KREMEN1: variants seen among roughly 807,000 people sequenced by gnomAD.
The protein encoded by KREMEN1 is kremen protein 1.
Under a neutral mutation model 46.5 loss-of-function variants are expected in KREMEN1, and 30 were observed. That is an observed-to-expected ratio of 0.65 (90% confidence interval 0.48 to 0.88). The LOEUF is 0.88. Ranked by LOEUF, KREMEN1 falls within the 40% of genes least tolerant of loss-of-function variation. The pLI is 0.00. For missense variants in KREMEN1, 533 were observed against 596.9 expected (o/e 0.89, Z 1.11); for synonymous variants, 214 against 230.6 (o/e 0.93, Z 0.65).
chr22:29,087,610 G>C, intron 1 of KREMEN1, among the ~76,000 whole-genome samples: 1 of 151,562 alleles, frequency 6.6e-6, no homozygotes, highest in African/African-American at 2.4e-5. Context: ...TTGTTGCCCA[G>C]GCCAGAGTGC....
intron 4 of KREMEN1, 104 bp downstream of exon 4, chr22:29,121,585 A>G (rs939838549): frequency 1.1e-5 from 14 of 1,229,556 alleles, no homozygotes; most frequent in Non-Finnish European, 1.5e-5. Flanking sequence ...GCCAGACACA[A>G]AAGGCCACAT....
At chr22:29,114,472 G>A (rs1175373813) in intron 3 of KREMEN1, among the ~76,000 whole-genome samples, 1 of 121,478 alleles carries the variant, frequency 8.2e-6, no homozygotes, top group Non-Finnish European at 1.6e-5. Context: ...TGCAACAAGA[G>A]TGAAACTCCG....
At chr22:29,150,040 C>T (rs151072737), downstream of KREMEN1, among the ~76,000 whole-genome samples, 1,927 of 152,220 alleles carry the variant, frequency 0.013, 46 homozygotes, top group African/African-American at 0.044. Flanking sequence ...TCCTCTGTGG[C>T]GAGGTCGGGT....
In KREMEN1 at chr22:29,146,126, C is replaced by T; in HGVS notation, c.*4014C>T. The T allele has an allele frequency of 1.0e-6, 1 of 985,952 alleles. No individual in the cohort carries two copies. The highest frequency in any genetic ancestry group is 1.2e-6 in the Non-Finnish European group (1 of 830,002). 61.1% of individuals were successfully genotyped at this position (985,952 alleles called of 1,614,324 possible). ...GGCAGCTCCACACCCCACCACCTGG[C>T]ACCGTTAGGTTTCAGATCTCCCGTG... is the stretch of plus-strand genomic sequence containing the variant. On this transcript the variant is annotated 3_prime_UTR_variant, in exon 9 of 9. Coordinates refer to ENST00000400335, the MANE Select transcript of KREMEN1 (RefSeq NM_001039570.3).
intron 1 of KREMEN1, among the ~76,000 whole-genome samples, chr22:29,088,513 A>G (rs2037763035): frequency 6.6e-6 from 1 of 152,056 alleles, no homozygotes; most frequent in Non-Finnish European, 1.5e-5. Context: ...TATTTTTGGT[A>G]GAGATGGGGT....
chr22:29,119,791 G>C lies in KREMEN1; in HGVS notation c.353-1566G>C, dbSNP rs117871497. Reference sequence around the variant, plus strand: ...GTGAAACACTAATATGCTCAGTGTGGTGGGCTGAAGAATGGCCCTCCAAAG... The same window carrying C: ...GTGAAACACTAATATGCTCAGTGTGCTGGGCTGAAGAATGGCCCTCCAAAG... On this transcript the variant is annotated intron_variant, in intron 3 of 8. Transcript: ENST00000400335. 5.8e-3 allele frequency among the ~76,000 whole-genome samples: 881 copies of C among 152,340 alleles called. 5 individuals are homozygous for C. Among genetic ancestry groups the C allele is most frequent in the Middle Eastern group, 0.024 (7 of 294 alleles).
At chr22:29,151,546 G>A (rs1054865875), downstream of KREMEN1, among the ~76,000 whole-genome samples, 2 of 152,072 alleles carry the variant, frequency 1.3e-5, no homozygotes, top group Non-Finnish European at 1.5e-5. Context: ...GGGGGATGGG[G>A]GCCACCAAGC....
At chr22:29,124,365 TA>T in intron 4 of KREMEN1, among the ~76,000 whole-genome samples, 1 of 152,152 alleles carries the variant, frequency 6.6e-6, no homozygotes, top group East Asian at 1.9e-4. Flanking sequence ...AAAACTACAG[TA>T]AAGGAAAATG....
rs1569308281 is a variant in KREMEN1, at chr22:29,073,419, C to T, written c.97+192C>T. ...CCCGGGCTACCCCCAGGCCCGTCAT[C>T]GACGCCCCCGGGCCCGGTACTGTCC... On this transcript the variant is annotated intron_variant, in intron 1 of 8. Transcript: ENST00000400335. This position sits in a 1 kb window ranked among gnomAD's most constrained non-coding sequence, Gnocchi z 4.4. Among the ~76,000 whole-genome samples, 1 of 151,834 alleles carries T rather than the reference C, an allele frequency of 6.6e-6. No homozygotes were observed. The highest frequency in any genetic ancestry group is 2.0e-4 in the East Asian group (1 of 5,086).
At chr22:29,080,882 C>G (rs1249033676) in intron 1 of KREMEN1, among the ~76,000 whole-genome samples, 3 of 150,360 alleles carry the variant, frequency 2.0e-5, no homozygotes, top group African/African-American at 4.9e-5. Flanking sequence ...TTATACAGCC[C>G]AAAATGTCAG....
At chr22:29,155,829 C>T (rs1432685110) in intron 9 of KREMEN1, among the ~76,000 whole-genome samples, 4 of 150,564 alleles carry the variant, frequency 2.7e-5, no homozygotes, top group Non-Finnish European at 4.4e-5. Flanking sequence ...TGTGGTGGCG[C>T]GTGCCTGTAA....
intron 1 of KREMEN1, among the ~76,000 whole-genome samples, chr22:29,079,833 T>C (rs2037627297): frequency 6.6e-6 from 1 of 152,202 alleles, no homozygotes; most frequent in Admixed American, 6.5e-5. Flanking sequence ...GGCAACCAAG[T>C]AGTTCTCTTC....
chr22:29,164,207 G>A (rs781541938), intron 9 of KREMEN1, among the ~76,000 whole-genome samples: 3 of 152,258 alleles, frequency 2.0e-5, no homozygotes, highest in Non-Finnish European at 4.4e-5. Context: ...AACGGCTGTT[G>A]ACTATGGTGT....
Position 29,073,160 on chromosome 22 carries a change from G to A in KREMEN1, c.30G>A (p.Leu10=), listed in dbSNP as rs1188493013. 1.7e-6 allele frequency: 2 copies of A among 1,153,320 alleles called. No individual in the cohort carries two copies. Among genetic ancestry groups the A allele is most frequent in the Non-Finnish European group, 2.1e-6 (2 of 939,442 alleles). 71.4% of individuals were successfully genotyped at this position (1,153,320 alleles called of 1,614,324 possible). MAPPAARLA[L]LSAAALTLAA... is the part of the protein sequence containing the mutation. ...CGCCGCCAGCCGCCCGCCTCGCCCTGCTCTCCGCCGCGGCGCTCACGCTGG... is the reference window on the plus strand; with the variant it reads ...CGCCGCCAGCCGCCCGCCTCGCCCTACTCTCCGCCGCGGCGCTCACGCTGG... Residue 10 remains leucine, a synonymous_variant, in exon 1 of 9, where the codon CTG becomes CTA. Transcript: ENST00000400335. This position sits in a 1 kb window ranked among gnomAD's most constrained non-coding sequence, Gnocchi z 4.4.
chr22:29,111,656 C>A, intron 3 of KREMEN1: 1 of 142,482 alleles, frequency 7.0e-6, no homozygotes. Flanking sequence ...GGAGTTACAT[C>A]ATTTCTGAAG....
In KREMEN1 at chr22:29,103,385, A is replaced by G. The variant is rs192094109; in HGVS notation, c.352+4432A>G. On this transcript the variant is annotated intron_variant, in intron 3 of 8. Coordinates refer to ENST00000400335, the MANE Select transcript of KREMEN1 (RefSeq NM_001039570.3). ...TTGGTGTGTTATGTGTAGAGCTACA[A>G]CAAGCAGGAGGCAGACCTGAAGTAC... Among the ~76,000 whole-genome samples, 513 of 152,036 alleles carry G rather than the reference A, an allele frequency of 3.4e-3. 1 individual carries two copies. Among genetic ancestry groups the G allele is most frequent in the Middle Eastern group, 0.017 (5 of 292 alleles).
intron 3 of KREMEN1, among the ~76,000 whole-genome samples, chr22:29,101,977 G>A (rs895405055): frequency 3.3e-5 from 5 of 152,198 alleles, no homozygotes; most frequent in African/African-American, 1.2e-4. Context: ...AGCAAGATCT[G>A]CTTCTATAAG....
intron 1 of KREMEN1, among the ~76,000 whole-genome samples, chr22:29,078,494 A>G (rs10646183): frequency 1.4e-4 from 21 of 147,600 alleles, no homozygotes; most frequent in African/African-American, 3.2e-4. Context: ...AAAAAAAAAA[A>G]AAGAAGAAGA....
intron 4 of KREMEN1, among the ~76,000 whole-genome samples, chr22:29,125,016 G>A (rs2038417769): frequency 6.6e-6 from 1 of 152,160 alleles, no homozygotes; most frequent in African/African-American, 2.4e-5. Context: ...AAAACTTACT[G>A]AAGTGCAGTA....
Sources: allele counts gnomAD v4.1 joint callset (sites outside exome capture counted in the v4.1 genomes callset), GRCh38; gene constraint gnomAD v4.1.1; non-coding constraint Gnocchi (gnomAD v3.1); transcripts MANE v1.5; gene names NCBI Gene and HGNC (gene_info 2026-07-23, HGNC 2026-07-21).